Variants in ACACB observed in about 807,000 individuals in gnomAD.
ACACB encodes the protein acetyl-CoA carboxylase 2.
Under a neutral mutation model 278.8 loss-of-function variants are expected in ACACB, and 209 were observed. The observed-to-expected ratio is 0.75, with a 90% CI of 0.67 to 0.84. The LOEUF (loss-of-function observed/expected upper bound fraction) is 0.84, where lower values mean the gene tolerates loss of function less well. ACACB is among the 40% of genes least tolerant of loss of function. The pLI is 0.00. For synonymous variants in ACACB, 1,174 were observed against 1,285.6 expected (o/e 0.91, Z 1.86); for missense variants, 2,850 against 3,269.0 (o/e 0.87, Z 3.13).
chr12:109,193,784 T>C, intron 16 of ACACB, 55 bp downstream of exon 16: 1 of 1,490,226 alleles, frequency 6.7e-7, no homozygotes, highest in South Asian at 1.1e-5. Context: ...CTTCAGGGAG[T>C]TTCTTTCTTC....
In ACACB at chr12:109,241,190, C is replaced by G. The variant is rs1244317550; in HGVS notation, c.4931C>G (p.Ala1644Gly). The change falls in exon 36 of 53, where the codon GCC (alanine) becomes GGC (glycine). Residue 1644 changes from alanine (A) to glycine (G), a missense_variant. By Grantham distance (60) the Ala-to-Gly change is moderately conservative. Coordinates refer to ENST00000338432, the MANE Select transcript of ACACB (RefSeq NM_001093.4). The stretch of plus-strand genomic sequence containing the variant: ...ATCCGCCAGACCACCACCGGCAGTG[C>G]CGTTCCCATCCGCCTGTTCATCACC... Reference protein sequence around the residue: ...INIRQTTTGSAVPIRLFITNE... With the variant: ...INIRQTTTGSGVPIRLFITNE... 1 of 1,614,206 alleles carries G rather than the reference C, an allele frequency of 6.2e-7. No homozygotes were observed. Among genetic ancestry groups the G allele is most frequent in the Middle Eastern group, 1.6e-4 (1 of 6,062 alleles).
chr12:109,147,609 G>A (rs940224433), intron 2 of ACACB, among the ~76,000 whole-genome samples: 1 of 151,922 alleles, frequency 6.6e-6, no homozygotes, highest in Non-Finnish European at 1.5e-5. Flanking sequence ...CCCTACACTG[G>A]AAGCAAGTTC....
At chr12:109,213,625 C>T (rs1278426410) in intron 22 of ACACB, among the ~76,000 whole-genome samples, 1 of 152,092 alleles carries the variant, frequency 6.6e-6, no homozygotes, top group South Asian at 2.1e-4. Flanking sequence ...GATGGAGTTT[C>T]GCTCTGTCGG....
intron 20 of ACACB, 75 bp from the exon 21 acceptor site, chr12:109,209,090 T>C: frequency 6.8e-7 from 1 of 1,474,804 alleles, no homozygotes; most frequent in Non-Finnish European, 9.1e-7. Context: ...TTGAGCTGTG[T>C]TGGGTGCCCT....
chr12:109,162,320 G>A (rs1256176474), intron 2 of ACACB, among the ~76,000 whole-genome samples: 3 of 152,130 alleles, frequency 2.0e-5, no homozygotes, highest in Non-Finnish European at 4.4e-5. Flanking sequence ...ATGAATGAGT[G>A]GTCACTGGCT....
Position 109,264,378 on chromosome 12 carries a change from G to T in ACACB, c.6934G>T (p.Val2312Phe). Residue 2312 changes from valine (V) to phenylalanine (F), a missense_variant, in exon 50 of 53, where the codon GTC becomes TTC. This residue lies in a region of ACACB where 579 missense variants were observed against 684.6 expected (regional missense o/e 0.85). Transcript: ENST00000338432. ...ACCCGGCCGGATGCTGGAGAAGGGC[G>T]TCATATCTGTGAGAGCCACAGCTGC... ...DTPGRMLEKG[V>F]ISDILEWKTA... 1 of 1,613,378 alleles carries T rather than the reference G, an allele frequency of 6.2e-7. No individual in the cohort carries two copies. The highest frequency in any genetic ancestry group is 8.5e-7 in the Non-Finnish European group (1 of 1,179,654).
At chr12:109,237,445 T>C (rs1398046949) in intron 34 of ACACB, 65 bp downstream of exon 34, 2 of 1,498,970 alleles carry the variant, frequency 1.3e-6, no homozygotes, top group Admixed American at 2.0e-5. Flanking sequence ...ACATTCCTGC[T>C]CTGTGCTGGG....
chr12:109,147,043 G>T (rs565433358), intron 2 of ACACB, among the ~76,000 whole-genome samples: 2 of 152,230 alleles, frequency 1.3e-5, no homozygotes, highest in East Asian at 1.9e-4. Flanking sequence ...TGCAAATTCT[G>T]TAGCCGGTCC....
intron 21 of ACACB, among the ~76,000 whole-genome samples, chr12:109,210,602 T>C (rs2045813680): frequency 6.7e-6 from 1 of 149,364 alleles, no homozygotes. Flanking sequence ...TATATATGTA[T>C]ATATATAATA....
rs2046923268 is a variant in ACACB at position 109,245,751 on chromosome 12, A to G, written c.5301+3A>G. ...ACCGACTTCCTGGTGGAAATGAGGT[A>G]ATAGCTCAGCGGAGCCTAACCCCTG... On this transcript the variant is annotated splice_donor_region_variant and intron_variant, in intron 38 of 52. Transcript: ENST00000338432. 6.8e-6 allele frequency: 11 copies of G among 1,613,648 alleles called. No individual in the cohort carries two copies. Among genetic ancestry groups the G allele is most frequent in the Non-Finnish European group, 9.3e-6 (11 of 1,179,884 alleles).
chr12:109,183,923 A>G (rs2044564019), intron 11 of ACACB, among the ~76,000 whole-genome samples: 1 of 149,844 alleles, frequency 6.7e-6, no homozygotes, highest in Non-Finnish European at 1.5e-5. Flanking sequence ...TTTTTTTTTC[A>G]GTTTGAAAGA....
intron 24 of ACACB, among the ~76,000 whole-genome samples, chr12:109,221,901 G>GGT (rs1166735212): frequency 1.2e-4 from 18 of 150,264 alleles, no homozygotes; most frequent in African/African-American, 3.4e-4. Flanking sequence ...TTTTGGGGGG[G>GGT]AGACAGAGTC....
intron 2 of ACACB, among the ~76,000 whole-genome samples, chr12:109,157,567 G>T (rs1290583351): frequency 6.6e-6 from 1 of 152,084 alleles, no homozygotes; most frequent in Admixed American, 6.6e-5. Flanking sequence ...CACCATGCCC[G>T]GCTCTTTCTT....
chr12:109,188,978 G>A (rs762715057), intron 13 of ACACB, among the ~76,000 whole-genome samples: 2 of 152,044 alleles, frequency 1.3e-5, no homozygotes, highest in Non-Finnish European at 2.9e-5. Flanking sequence ...CCACTCTGAG[G>A]CCTGTGACAG....
rs758575862 is a variant in ACACB, at chr12:109,216,683, G to A, written c.3416G>A (p.Arg1139His). 1.1e-5 allele frequency: 17 copies of A among 1,614,042 alleles called. No homozygotes were observed. The East Asian group carries it at 2.0e-4, about 19-fold the overall frequency. Residue 1139 changes from arginine to histidine, a missense_variant, in exon 23 of 53, where the codon CGT becomes CAT. Physicochemically the swap from Arg to His is conservative, Grantham distance 29 (BLOSUM62 0). Coordinates refer to ENST00000338432, the MANE Select transcript of ACACB (RefSeq NM_001093.4). ...TTGGATCTCCTGAGAAGATACTTGC[G>A]TGTTGAGCACCATTTTCAGCAAGGC... ...VVLDLLRRYL[R>H]VEHHFQQAHY...
chr12:109,221,892 TTTG>T (rs2046172052), intron 24 of ACACB, among the ~76,000 whole-genome samples: 1 of 141,624 alleles, frequency 7.1e-6, no homozygotes, highest in South Asian at 2.1e-4. Context: ...TTTTTTTTTT[TTTG>T]GGGGGGAGAC....
chr12:109,194,610 C>CTGTGTGTGTGTGTGTG (rs144545047), intron 16 of ACACB, among the ~76,000 whole-genome samples: 6 of 95,318 alleles, frequency 6.3e-5, no homozygotes, highest in African/African-American at 1.6e-4. Context: ...GCCTCTGCCT[C>CTGTGTGTGTGTGTGTG]TGTGTGTGTG....
chr12:109,185,036 T>C (rs2044606887), intron 11 of ACACB, among the ~76,000 whole-genome samples: 2 of 152,184 alleles, frequency 1.3e-5, no homozygotes, highest in Admixed American at 6.5e-5. Flanking sequence ...ATGTCCCTCA[T>C]TGGATTTCTC....
rs756114866 is a variant in ACACB, at chr12:109,176,239, G to T, written c.1413G>T (p.Glu471Asp). The T allele has an allele frequency of 3.7e-6, 6 of 1,614,048 alleles. No individual in the cohort carries two copies. The South Asian group carries it at 6.6e-5, about 18-fold the overall frequency. The change falls in exon 9 of 53, where the codon GAG (glutamate) becomes GAT (aspartate). Residue 471 changes from glutamate (E) to aspartate (D), a missense_variant. Glu to Asp is a conservative substitution (Grantham distance 45, BLOSUM62 2). Transcript: ENST00000338432. The part of the protein sequence containing the change: ...GKGIRKAESA[E>D]DFPILFRQVQ... ...GAATCCGGAAGGCTGAGAGTGCGGA[G>T]GACTTCCCGATCCTTTTCAGACAAG...
Sources: allele counts gnomAD v4.1 joint callset (sites outside exome capture counted in the v4.1 genomes callset), GRCh38; gene constraint gnomAD v4.1.1; regional missense constraint gnomAD v4.1.1; transcripts MANE v1.5; gene names NCBI Gene and HGNC (gene_info 2026-07-23, HGNC 2026-07-21).